Variants in P2RX5 observed in about 807,000 individuals in gnomAD.
The protein encoded by P2RX5 is P2X purinoceptor 5.
A neutral mutation model predicts 54.1 loss-of-function variants in P2RX5; 46 were observed. That is an observed-to-expected ratio of 0.85 (90% CI 0.67 to 1.09). The LOEUF (loss-of-function observed/expected upper bound fraction) is 1.09. P2RX5 is among the 50% of genes least tolerant of loss of function. The pLI is 0.00. For synonymous variants in P2RX5, 226 were observed against 226.4 expected, an observed-to-expected ratio of 1.00 and a Z score of 0.02; for missense variants, 566 against 549.8, an observed-to-expected ratio of 1.03 and a Z score of -0.29.
chr17:3,678,634 C>T (rs575996337), intron 11 of P2RX5, among the ~76,000 whole-genome samples: 2 of 152,366 alleles, frequency 1.3e-5, no homozygotes, highest in South Asian at 2.1e-4. Context: ...TTTCTTGCTC[C>T]TTCCCTGCCC....
chr17:3,683,629 C>G (rs1039851178), intron 9 of P2RX5, among the ~76,000 whole-genome samples: 12 of 151,270 alleles, frequency 7.9e-5, no homozygotes, highest in Non-Finnish European at 1.6e-4. Context: ...ACTCAGGAGG[C>G]TGAGGCAGAA....
chr17:3,675,994 A>T (rs936166672), intron 11 of P2RX5: 1 of 985,216 alleles, frequency 1.0e-6, no homozygotes, highest in Admixed American at 6.2e-5. Flanking sequence ...TCCCTCTCCA[A>T]AGCCTCAGTG....
chr17:3,711,225 T>C, the P2RX5 span, among the ~76,000 whole-genome samples: 7 of 152,238 alleles, frequency 4.6e-5, no homozygotes, highest in East Asian at 1.2e-3. Context: ...TCGAATAACC[T>C]GTTTCTCTCA....
In P2RX5 at chr17:3,690,536, G is replaced by C. The variant is rs199786444; in HGVS notation, c.437-13C>G. On this transcript the variant is annotated splice_polypyrimidine_tract_variant and intron_variant, in intron 4 of 11. Transcript: ENST00000225328. ...CCGGTCTTCACTCCTGCAGGGGTGG[G>C]ACAGGATCAATGCCAGGAGCCTCCC... is the stretch of plus-strand genomic sequence containing the variant. The C allele has an allele frequency of 6.2e-7, 1 of 1,611,990 alleles. No homozygotes were observed. Among genetic ancestry groups the C allele is most frequent in the Admixed American group, 1.7e-5 (1 of 60,004 alleles).
the P2RX5 span, chr17:3,720,471 G>A: frequency 2.7e-6 from 2 of 746,064 alleles, no homozygotes; most frequent in East Asian, 5.1e-5. Flanking sequence ...TGTTTGAACA[G>A]CCTTCACCAC....
chr17:3,714,029 G>A, the P2RX5 span, among the ~76,000 whole-genome samples: 1 of 149,118 alleles, frequency 6.7e-6, no homozygotes, highest in African/African-American at 2.5e-5. Context: ...CCAGGTTCAC[G>A]CCATTCTCCT....
the P2RX5 span, among the ~76,000 whole-genome samples, chr17:3,708,449 T>G: frequency 1.7e-4 from 19 of 112,162 alleles, no homozygotes; most frequent in African/African-American, 5.4e-4. Context: ...AGAAAAAGCA[T>G]AGAGGAAAAA....
At chr17:3,676,655 T>A in intron 11 of P2RX5, 1 of 957,366 alleles carries the variant, frequency 1.0e-6, no homozygotes, top group South Asian at 4.8e-5. Context: ...AATGTCACTG[T>A]GCACACAGAT....
At chr17:3,680,902 A>T (rs611742) in intron 10 of P2RX5, among the ~76,000 whole-genome samples, 95 of 42,430 alleles carry the variant, frequency 2.2e-3, no homozygotes, top group Middle Eastern at 0.017. Flanking sequence ...TCCTCCACCC[A>T]GCGTCCTCCA....
At chr17:3,674,252 A>G (rs1233732414) in intron 11 of P2RX5, among the ~76,000 whole-genome samples, 1 of 151,988 alleles carries the variant, frequency 6.6e-6, no homozygotes, top group Non-Finnish European at 1.5e-5. Context: ...CGGAGCTTGC[A>G]GTGAGCCGAG....
At chr17:3,685,780 C>T (rs1299339396) in intron 9 of P2RX5, among the ~76,000 whole-genome samples, 1 of 13,322 alleles carries the variant, frequency 7.5e-5, no homozygotes, top group East Asian at 9.6e-3. Context: ...ACGTCCCCCG[C>T]CCCCCGCCCA....
At chr17:3,677,883 C>A in intron 11 of P2RX5, 2 of 985,386 alleles carry the variant, frequency 2.0e-6, no homozygotes, top group South Asian at 4.7e-5. Flanking sequence ...TAGGTCCGAG[C>A]CCCTCTGACC....
At chr17:3,696,719 C>T (rs2050765817), upstream of P2RX5, among the ~76,000 whole-genome samples, 1 of 152,192 alleles carries the variant, frequency 6.6e-6, no homozygotes, top group Admixed American at 6.5e-5. Context: ...GGATTACAGG[C>T]GTGAGCCACC....
intron 9 of P2RX5, chr17:3,685,481 G>A (rs2050418423): frequency 1.3e-5 from 2 of 154,232 alleles, no homozygotes; most frequent in East Asian, 1.8e-4. Context: ...GCCGGGGAGA[G>A]GGTGGGACGC....
upstream of P2RX5, among the ~76,000 whole-genome samples, chr17:3,697,656 C>G (rs1335905447): frequency 6.6e-6 from 1 of 152,262 alleles, no homozygotes; most frequent in African/African-American, 2.4e-5. Context: ...AGGCCCTGCC[C>G]CTCAAATTTT....
At chr17:3,685,196 G>A (rs1279362794) in intron 9 of P2RX5, among the ~76,000 whole-genome samples, 1 of 152,046 alleles carries the variant, frequency 6.6e-6, no homozygotes, top group East Asian at 1.9e-4. Context: ...AGAAGTTCAG[G>A]GACTCACCTG....
At chr17:3,699,844 G>GA (rs565713894), upstream of P2RX5, among the ~76,000 whole-genome samples, 7 of 105,840 alleles carry the variant, frequency 6.6e-5, no homozygotes, top group East Asian at 3.9e-4. Context: ...GAGAGAGAAA[G>GA]AAAAAGAAAA....
chr17:3,717,192 T>C, the P2RX5 span: 4,023 of 164,360 alleles, frequency 0.024, 76 homozygotes, highest in Middle Eastern at 0.053. Context: ...TTTAAAATGA[T>C]GACTTCCTTT....
intron 11 of P2RX5, among the ~76,000 whole-genome samples, chr17:3,679,256 G>A (rs759653049): frequency 3.3e-5 from 5 of 152,176 alleles, no homozygotes; most frequent in Admixed American, 6.5e-5. Context: ...ATCTGATTCA[G>A]TTGCTTACAT....
Sources: gnomAD v4.1 joint callset for allele counts (sites outside exome capture counted in the v4.1 genomes callset) on GRCh38, gnomAD v4.1.1 for gene constraint, MANE v1.5 for transcripts, NCBI Gene and HGNC (gene_info 2026-07-23, HGNC 2026-07-21) for gene names.